Variants in ABCB4 observed in about 807,000 individuals in gnomAD.
The protein encoded by ABCB4 is ATP binding cassette subfamily B member 4, also known as phosphatidylcholine translocator ABCB4.
A neutral mutation model predicts 145.7 loss-of-function variants in ABCB4; 76 were observed. The ratio of observed to expected loss-of-function variants is 0.52; its 90% CI spans 0.43 to 0.63. ABCB4 has a LOEUF of 0.63. Among genes scored for constraint, ABCB4 ranks in the 30% least tolerant of loss-of-function variants. ABCB4 has a pLI of 0.00. For missense variants in ABCB4, 1,234 were observed against 1,553.1 expected, an observed-to-expected ratio of 0.79 and a Z score of 3.45; for synonymous variants, 517 against 566.8, an observed-to-expected ratio of 0.91 and a Z score of 1.25.
At chr7:87,455,821 T>A (rs1483125349) in intron 4 of ABCB4, among the ~76,000 whole-genome samples, 1 of 152,028 alleles carries the variant, frequency 6.6e-6, no homozygotes, top group Non-Finnish European at 1.5e-5. Flanking sequence ...CGTGTTTTCG[T>A]GGTGCTGTGT....
the ABCB4 span, chr7:87,391,617 A>C: frequency 6.2e-7 from 1 of 1,605,104 alleles, no homozygotes; most frequent in Admixed American, 1.7e-5. Flanking sequence ...AACAGCTATG[A>C]CAAGACATTT....
chr7:87,457,926 C>T (rs1812205858), intron 4 of ABCB4, among the ~76,000 whole-genome samples: 1 of 152,182 alleles, frequency 6.6e-6, no homozygotes, highest in South Asian at 2.1e-4. Context: ...AGGTATCCAT[C>T]ACCTCAAGCA....
the ABCB4 span, among the ~76,000 whole-genome samples, chr7:87,391,352 T>G: frequency 1.3e-5 from 2 of 152,188 alleles, no homozygotes; most frequent in Non-Finnish European, 2.9e-5. Context: ...GGGGCCATCT[T>G]AGAGGCTGTA....
intron 6 of ABCB4, chr7:87,452,687 T>C (rs1811826195): frequency 3.7e-6 from 2 of 534,596 alleles, no homozygotes; most frequent in Admixed American, 6.4e-5. Context: ...CGTCCTGCAG[T>C]AGAAAGTTCC....
In ABCB4 at chr7:87,413,727, A is replaced by G; in HGVS notation, c.2683-10T>C. On this transcript the variant is annotated splice_polypyrimidine_tract_variant and intron_variant, in intron 21 of 27. Coordinates refer to ENST00000649586, the MANE Select transcript of ABCB4 (RefSeq NM_000443.4). The stretch of plus-strand genomic sequence containing the variant: ...TTGCCTCTGTTGCAATCTGTAACAC[A>G]GAATAGACCTTCATTAGAAGTGGTG... The G allele has an allele frequency of 1.3e-6, 2 of 1,543,962 alleles. No individual in the cohort carries two copies. Among genetic ancestry groups the G allele is most frequent in the South Asian group, 1.1e-5 (1 of 89,644 alleles).
the ABCB4 span, chr7:87,392,965 T>C: frequency 5.6e-6 from 9 of 1,613,786 alleles, no homozygotes; most frequent in Non-Finnish European, 7.6e-6. Flanking sequence ...GGTGGAAATT[T>C]TGTTCTCTCA....
chr7:87,451,065 C>T (rs144857410), intron 7 of ABCB4, among the ~76,000 whole-genome samples: 535 of 151,672 alleles, frequency 3.5e-3, no homozygotes, highest in African/African-American at 0.012. Context: ...TATGTTCATG[C>T]AATAATTTGA....
At chr7:87,451,545 C>A (rs1339482445) in intron 7 of ABCB4, 78 bp downstream of exon 7, 1 of 1,521,350 alleles carries the variant, frequency 6.6e-7, no homozygotes, top group Non-Finnish European at 9.1e-7. Flanking sequence ...TGAACAGGTA[C>A]AAGTACGAGA....
At chr7:87,369,759 G>A in the ABCB4 span, 2 of 160,218 alleles carry the variant, frequency 1.2e-5, no homozygotes, top group Non-Finnish European at 2.7e-5. Context: ...TACTAGTTTA[G>A]TGTGTTCCAT....
the ABCB4 span, among the ~76,000 whole-genome samples, chr7:87,390,102 A>T: frequency 6.6e-6 from 1 of 152,246 alleles, no homozygotes; most frequent in African/African-American, 2.4e-5. Context: ...TCCCATGGTG[A>T]TATTTAACAT....
At chr7:87,414,078 G>C (rs1808808211) in intron 21 of ABCB4, among the ~76,000 whole-genome samples, 1 of 152,204 alleles carries the variant, frequency 6.6e-6, no homozygotes, top group African/African-American at 2.4e-5. Context: ...ACAAGGCAGA[G>C]TCCTAAAAGA....
At chr7:87,403,018 C>T (rs918575456) in intron 27 of ABCB4, 117 bp downstream of exon 27, 8 of 1,158,732 alleles carry the variant, frequency 6.9e-6, no homozygotes, top group South Asian at 1.2e-5. Flanking sequence ...ATAAAAACCA[C>T]TATCTAACGT....
Position 87,403,115 on chromosome 7 carries a change from A to C in ABCB4, c.3633+20T>G. ...TATTTCATAAATTAAATAAGACATA[A>C]GTTGGGAGGCCACACACACCTTTTC... is the stretch of plus-strand genomic sequence containing the variant. On this transcript the variant is annotated intron_variant, in intron 27 of 27. Coordinates refer to ENST00000649586, the MANE Select transcript of ABCB4 (RefSeq NM_000443.4). 1.2e-5 allele frequency: 20 copies of C among 1,613,672 alleles called. No individual in the cohort carries two copies. The highest frequency in any genetic ancestry group is 1.7e-5 in the Non-Finnish European group (20 of 1,179,596).
chr7:87,448,502 G>C (rs1811493806), intron 8 of ABCB4: 1 of 152,290 alleles, frequency 6.6e-6, no homozygotes, highest in Non-Finnish European at 1.5e-5. Flanking sequence ...GCCACAGCTA[G>C]CGCTGTGATT....
the ABCB4 span, chr7:87,391,548 TTTTC>T: frequency 6.4e-7 from 1 of 1,567,326 alleles, no homozygotes; most frequent in Non-Finnish European, 8.6e-7. Flanking sequence ...TATTAGAGCA[TTTTC>T]TTTCTTATGA....
chr7:87,434,883 A>G lies in ABCB4; in HGVS notation c.1732-3318T>C, dbSNP rs2116641133. 2.0e-5 allele frequency among the ~76,000 whole-genome samples: 3 copies of G among 152,366 alleles called. No individual in the cohort carries two copies. In the Middle Eastern group the frequency reaches 0.01, roughly 518 times the overall value. ...AAGAGATTCAAATATGAATCTTTTTATTAATTCTGCCTCCTGGGGTGGTTT... is the reference window on the plus strand; with the variant it reads ...AAGAGATTCAAATATGAATCTTTTTGTTAATTCTGCCTCCTGGGGTGGTTT... On this transcript the variant is annotated intron_variant, in intron 14 of 27. Coordinates refer to ENST00000649586, the MANE Select transcript of ABCB4 (RefSeq NM_000443.4).
chr7:87,447,352 TGA>T, intron 8 of ABCB4, 147 bp from the exon 9 acceptor site: 2 of 755,598 alleles, frequency 2.6e-6, no homozygotes, highest in South Asian at 3.5e-5. Flanking sequence ...CTTTGGGAAT[TGA>T]ACTAATTCAG....
chr7:87,370,406 C>T, the ABCB4 span, among the ~76,000 whole-genome samples: 1 of 152,140 alleles, frequency 6.6e-6, no homozygotes, highest in Non-Finnish European at 1.5e-5. Flanking sequence ...TGGTCTTGAA[C>T]TCCTGGCCTT....
chr7:87,381,244 A>C, the ABCB4 span, among the ~76,000 whole-genome samples: 4 of 152,198 alleles, frequency 2.6e-5, no homozygotes, highest in African/African-American at 9.7e-5. Flanking sequence ...TTATCTAAGG[A>C]ACATGGGGAA....
Sources: gnomAD v4.1 joint callset for allele counts (sites outside exome capture counted in the v4.1 genomes callset) on GRCh38, gnomAD v4.1.1 for gene constraint, MANE v1.5 for transcripts, NCBI Gene and HGNC (gene_info 2026-07-23, HGNC 2026-07-21) for gene names.